Variants in NRXN1 observed in about 807,000 individuals in gnomAD.
NRXN1 encodes the protein neurexin-1.
NRXN1 carries 39 observed loss-of-function variants against 150.9 expected under a neutral mutation model. The observed-to-expected ratio is 0.26, with a 90% confidence interval of 0.20 to 0.34. The LOEUF is 0.34. NRXN1 is among the 10% of genes least tolerant of loss of function. The pLI, the probability that NRXN1 is intolerant of heterozygous loss-of-function variation, is 1.00. For missense variants in NRXN1, 1,815 were observed against 1,949.9 expected (o/e 0.93, Z 1.30); for synonymous variants, 924 against 757.0 (o/e 1.22, Z -3.62).
chr2:50,248,406 A>G (rs2066710936), intron 17 of NRXN1, among the ~76,000 whole-genome samples: 1 of 152,166 alleles, frequency 6.6e-6, no homozygotes, highest in Non-Finnish European at 1.5e-5. Flanking sequence ...AGAGTTTGAG[A>G]TTTTGTTTGG....
At chr2:50,231,257 G>T (rs774921787) in intron 18 of NRXN1, among the ~76,000 whole-genome samples, 2 of 151,964 alleles carry the variant, frequency 1.3e-5, no homozygotes, top group African/African-American at 2.4e-5. Context: ...AAATAACTGG[G>T]TTTATCTTGT....
At chr2:50,554,173 T>C (rs1667904921) in intron 8 of NRXN1, among the ~76,000 whole-genome samples, 1 of 152,164 alleles carries the variant, frequency 6.6e-6, no homozygotes, top group Non-Finnish European at 1.5e-5. Context: ...TATGTATATG[T>C]ATACACACAT....
intron 2 of NRXN1, among the ~76,000 whole-genome samples, chr2:50,970,294 G>A (rs1694802669): frequency 3.3e-5 from 5 of 152,098 alleles, no homozygotes; most frequent in African/African-American, 1.2e-4. Flanking sequence ...AAAGAGGGCA[G>A]GAGGTCAGAG....
chr2:50,012,164 G>A (rs1477577770), intron 21 of NRXN1, among the ~76,000 whole-genome samples: 1 of 152,044 alleles, frequency 6.6e-6, no homozygotes, highest in African/African-American at 2.4e-5. Flanking sequence ...ATTTAAACTA[G>A]AGTCTTTTCT....
intron 5 of NRXN1, among the ~76,000 whole-genome samples, chr2:50,806,843 C>T (rs1574540982): frequency 6.6e-6 from 1 of 151,994 alleles, no homozygotes; most frequent in East Asian, 1.9e-4. Context: ...TGAATATAAC[C>T]TCTTTTGTAT....
At chr2:50,380,970 C>T (rs1303627309) in intron 17 of NRXN1, among the ~76,000 whole-genome samples, 3 of 152,124 alleles carry the variant, frequency 2.0e-5, no homozygotes, top group Non-Finnish European at 2.9e-5. Flanking sequence ...CAGATCTGTA[C>T]TTCCTCTATC....
chr2:50,843,586 G>A (rs1307479153), intron 5 of NRXN1, among the ~76,000 whole-genome samples: 1 of 151,994 alleles, frequency 6.6e-6, no homozygotes, highest in African/African-American at 2.4e-5. Flanking sequence ...TCATTTCATT[G>A]GTAATGGGTG....
intron 9 of NRXN1, among the ~76,000 whole-genome samples, chr2:50,545,398 T>G (rs532260771): frequency 1.3e-5 from 2 of 152,244 alleles, no homozygotes; most frequent in Admixed American, 6.5e-5. Context: ...CACTCAGCAT[T>G]CCACAGTAAG....
At chr2:50,391,933 A>C (rs1481070138) in intron 17 of NRXN1, among the ~76,000 whole-genome samples, 1 of 152,176 alleles carries the variant, frequency 6.6e-6, no homozygotes, top group Admixed American at 6.6e-5. Context: ...CAATAAAAGA[A>C]ATCTTATGAA....
chr2:50,456,298 C>A (rs2087550605), intron 17 of NRXN1, among the ~76,000 whole-genome samples: 1 of 152,086 alleles, frequency 6.6e-6, no homozygotes, highest in African/African-American at 2.4e-5. Flanking sequence ...GGAGATTAAG[C>A]CTCACACTCT....
intron 15 of NRXN1, among the ~76,000 whole-genome samples, chr2:50,489,024 C>T (rs2091070410): frequency 6.6e-6 from 1 of 152,220 alleles, no homozygotes; most frequent in African/African-American, 2.4e-5. Context: ...AATGTCACCA[C>T]CTTGAAGAGC....
intron 5 of NRXN1, among the ~76,000 whole-genome samples, chr2:50,700,868 G>A (rs930586209): frequency 8.6e-5 from 13 of 150,690 alleles, no homozygotes; most frequent in African/African-American, 1.7e-4. Context: ...GGGTTTCACC[G>A]TGTTAGCCAG....
chr2:50,116,603 T>C (rs1036617239), intron 18 of NRXN1, among the ~76,000 whole-genome samples: 1 of 152,048 alleles, frequency 6.6e-6, no homozygotes, highest in Non-Finnish European at 1.5e-5. Context: ...AACAGGAAGA[T>C]CTGAACATAT....
At chr2:50,820,220 T>C (rs9309203) in intron 5 of NRXN1, among the ~76,000 whole-genome samples, 83,172 of 151,906 alleles carry the variant, frequency 0.55, 24,677 homozygotes, top group Non-Finnish European at 0.68. Context: ...GAACTTACTA[T>C]CCTTTCTATT....
chr2:50,041,413 C>T (rs1420051971), intron 21 of NRXN1, among the ~76,000 whole-genome samples: 2 of 152,162 alleles, frequency 1.3e-5, no homozygotes, highest in Admixed American at 6.5e-5. Context: ...ACCTTATGCA[C>T]AGCTTGTCTT....
chr2:50,066,244 A>G (rs1695339889), intron 19 of NRXN1, among the ~76,000 whole-genome samples: 1 of 152,228 alleles, frequency 6.6e-6, no homozygotes, highest in Non-Finnish European at 1.5e-5. Flanking sequence ...AAAGGCACAC[A>G]TCAATACATC....
intron 5 of NRXN1, among the ~76,000 whole-genome samples, chr2:50,663,169 A>T (rs1310051578): frequency 6.6e-6 from 1 of 152,000 alleles, no homozygotes; most frequent in African/African-American, 2.4e-5. Context: ...ACCGTTCATC[A>T]TGTCCTTTTG....
chr2:50,356,862 A>G (rs1164059043), intron 17 of NRXN1, among the ~76,000 whole-genome samples: 2 of 152,204 alleles, frequency 1.3e-5, no homozygotes, highest in Admixed American at 1.3e-4. Context: ...CGTTATTTTT[A>G]AATGAACTAG....
At chr2:50,610,652 T>TATATATATATATATAC (rs1677911469) in intron 8 of NRXN1, among the ~76,000 whole-genome samples, 1 of 105,544 alleles carries the variant, frequency 9.5e-6, no homozygotes, top group Non-Finnish European at 1.8e-5. Context: ...CATATATATA[T>TATATATATATATATAC]ATATATATAT....
Sources: gnomAD v4.1 joint callset for allele counts (sites outside exome capture counted in the v4.1 genomes callset) on GRCh38, gnomAD v4.1.1 for gene constraint, MANE v1.5 for transcripts, NCBI Gene and HGNC (gene_info 2026-07-23, HGNC 2026-07-21) for gene names.